Variants in TMTC1 observed in about 807,000 individuals in gnomAD.
TMTC1 encodes the protein transmembrane O-mannosyltransferase targeting cadherins 1, also known as protein O-mannosyl-transferase TMTC1.
TMTC1 carries 73 observed loss-of-function variants against 104.8 expected under a neutral mutation model. The ratio of observed to expected loss-of-function variants is 0.70; its 90% confidence interval spans 0.58 to 0.85. The LOEUF (loss-of-function observed/expected upper bound fraction) is 0.85. TMTC1 is among the 40% of genes least tolerant of loss of function. The pLI is 0.00. For missense variants in TMTC1, 1,035 were observed against 1,096.1 expected, an observed-to-expected ratio of 0.94 and a Z score of 0.79; for synonymous variants, 434 against 428.7, an observed-to-expected ratio of 1.01 and a Z score of -0.15.
At chr12:29,605,697 T>TTG (rs1565704209) in intron 6 of TMTC1, among the ~76,000 whole-genome samples, 12 of 152,172 alleles carry the variant, frequency 7.9e-5, no homozygotes, top group African/African-American at 2.9e-4. Flanking sequence ...CTGTATAGTT[T>TTG]ATTTATTTGT....
chr12:29,517,131 A>G lies in TMTC1; in HGVS notation c.2169+296T>C, dbSNP rs569969249. ...ATATACATCTACATATGCATACACA[A>G]TGGAGTGATAAATGAATCAAAATGT... On this transcript the variant is annotated intron_variant, in intron 14 of 17. Coordinates refer to ENST00000539277, the MANE Select transcript of TMTC1 (RefSeq NM_001193451.2). Among the ~76,000 whole-genome samples, 105 of 152,300 alleles carry G rather than the reference A, an allele frequency of 6.9e-4. 1 individual carries two copies. The highest frequency in any genetic ancestry group is 5.3e-3 in the Admixed American group (81 of 15,296).
intron 8 of TMTC1, among the ~76,000 whole-genome samples, chr12:29,575,917 G>T (rs1408753138): frequency 6.6e-6 from 1 of 152,112 alleles, no homozygotes; most frequent in Admixed American, 6.5e-5. Flanking sequence ...GTTATCTCTT[G>T]TGTTTATGAC....
chr12:29,622,456 T>C (rs1937722514), intron 6 of TMTC1, among the ~76,000 whole-genome samples: 1 of 152,196 alleles, frequency 6.6e-6, no homozygotes, highest in African/African-American at 2.4e-5. Context: ...TCCTGATATA[T>C]GTCACTTTTT....
chr12:29,652,864 C>G lies in TMTC1; in HGVS notation c.939-19528G>C, dbSNP rs146568228. Among the ~76,000 whole-genome samples, 535 of 152,252 alleles carry G rather than the reference C, an allele frequency of 3.5e-3. 4 individuals are homozygous for G. Among genetic ancestry groups the G allele is most frequent in the African/African-American group, 0.012 (517 of 41,556 alleles). ...ATCACCTGAGGTCAGGAGTTCAACA[C>G]CAGCCTGACCAACATGGTGAAACCC... On this transcript the variant is annotated intron_variant, in intron 5 of 17. Coordinates refer to ENST00000539277, the MANE Select transcript of TMTC1 (RefSeq NM_001193451.2).
At chr12:29,713,345 A>G (rs1034519395) in intron 5 of TMTC1, among the ~76,000 whole-genome samples, 1 of 129,468 alleles carries the variant, frequency 7.7e-6, no homozygotes, top group Non-Finnish European at 1.9e-5. Context: ...ACACACAGGG[A>G]GAGAGAGAGA....
chr12:29,521,013 C>T (rs768481368), intron 11 of TMTC1: 21 of 215,382 alleles, frequency 9.8e-5, no homozygotes, highest in African/African-American at 3.0e-4. Flanking sequence ...GCACGCCTAC[C>T]GGGGAAAAAG....
At chr12:29,646,014 C>G (rs1052671411) in intron 5 of TMTC1, among the ~76,000 whole-genome samples, 8 of 152,174 alleles carry the variant, frequency 5.3e-5, no homozygotes, top group Non-Finnish European at 8.8e-5. Context: ...AGTTTGCACA[C>G]ATATGACAGA....
intron 5 of TMTC1, among the ~76,000 whole-genome samples, chr12:29,663,791 A>G (rs1014201649): frequency 6.6e-6 from 1 of 151,450 alleles, no homozygotes. Context: ...TGCTGGGATT[A>G]CAGGCGTGAG....
intron 5 of TMTC1, among the ~76,000 whole-genome samples, chr12:29,678,775 A>G (rs1249308900): frequency 6.6e-6 from 1 of 152,196 alleles, no homozygotes; most frequent in Non-Finnish European, 1.5e-5. Flanking sequence ...AAGCAACATT[A>G]GTGTCTCAGT....
chr12:29,641,796 AG>A (rs1288188964), intron 5 of TMTC1, among the ~76,000 whole-genome samples: 1 of 152,202 alleles, frequency 6.6e-6, no homozygotes, highest in African/African-American at 2.4e-5. Context: ...TAAACTAATC[AG>A]GGAGGGACCA....
chr12:29,553,306 T>C (rs904202961), intron 10 of TMTC1, among the ~76,000 whole-genome samples: 3 of 152,136 alleles, frequency 2.0e-5, no homozygotes, highest in Non-Finnish European at 4.4e-5. Flanking sequence ...AGGCAATATA[T>C]CTCCTAATAG....
intron 2 of TMTC1, among the ~76,000 whole-genome samples, chr12:29,759,218 G>C (rs777940462): frequency 6.6e-6 from 1 of 152,166 alleles, no homozygotes; most frequent in Non-Finnish European, 1.5e-5. Flanking sequence ...GAATGGGGCC[G>C]GGCAGGATGG....
chr12:29,574,622 A>G (rs1244240262), intron 8 of TMTC1, among the ~76,000 whole-genome samples: 1 of 152,220 alleles, frequency 6.6e-6, no homozygotes, highest in Non-Finnish European at 1.5e-5. Flanking sequence ...CCTGCCTCGC[A>G]GATGGTCACA....
At position 29,647,144 on chromosome 12, in the gene TMTC1, C is replaced by T. The variant is rs545452554; in HGVS notation, c.939-13808G>A. 7.9e-5 allele frequency among the ~76,000 whole-genome samples: 12 copies of T among 152,226 alleles called. No individual in the cohort carries two copies. In the East Asian group the frequency reaches 1.9e-3, roughly 25 times the overall value. ...TTCAAGCAATTCTGCCTCAGCCTCC[C>T]GAGTAGCTGGGACTACAGGTGCATA... On this transcript the variant is annotated intron_variant, in intron 5 of 17. Transcript: ENST00000539277.
intron 5 of TMTC1, among the ~76,000 whole-genome samples, chr12:29,719,765 G>A (rs7959410): frequency 0.11 from 17,011 of 152,108 alleles, 1,152 homozygotes; most frequent in African/African-American, 0.19. Context: ...TCAATGTCCC[G>A]CTTTCACCTG....
At chr12:29,597,482 C>T (rs1946441788) in intron 7 of TMTC1, among the ~76,000 whole-genome samples, 1 of 151,920 alleles carries the variant, frequency 6.6e-6, no homozygotes, top group African/African-American at 2.4e-5. Flanking sequence ...TTTTGTAGGG[C>T]CACTGTCGGG....
At chr12:29,643,430 G>GGT (rs1938959958) in intron 5 of TMTC1, among the ~76,000 whole-genome samples, 3 of 121,110 alleles carry the variant, frequency 2.5e-5, no homozygotes, top group South Asian at 2.5e-4. Context: ...GATAAACTGT[G>GGT]ATATATATAT....
chr12:29,594,380 A>C (rs747034273), intron 7 of TMTC1, among the ~76,000 whole-genome samples: 23 of 152,212 alleles, frequency 1.5e-4, no homozygotes, highest in Non-Finnish European at 3.1e-4. Flanking sequence ...ATTAATACAG[A>C]CCTGACTGCA....
chr12:29,530,713 T>A (rs1352425591), intron 11 of TMTC1, among the ~76,000 whole-genome samples: 1 of 152,202 alleles, frequency 6.6e-6, no homozygotes, highest in Non-Finnish European at 1.5e-5. Context: ...CTTCCCAGCC[T>A]GCAAGTGGCC....
Sources: allele counts gnomAD v4.1 joint callset (sites outside exome capture counted in the v4.1 genomes callset), GRCh38; gene constraint gnomAD v4.1.1; transcripts MANE v1.5; gene names NCBI Gene and HGNC (gene_info 2026-07-23, HGNC 2026-07-21).